Variants in OCA2 observed in about 807,000 individuals in gnomAD.
The protein encoded by OCA2 is OCA2 melanosomal transmembrane protein, also known as P protein.
A neutral mutation model predicts 100.2 loss-of-function variants in OCA2; 77 were observed. The ratio of observed to expected loss-of-function variants is 0.77; its 90% CI spans 0.64 to 0.93. The LOEUF (loss-of-function observed/expected upper bound fraction) is 0.93, where lower values mean the gene tolerates loss of function less well. OCA2 is among the 40% of genes least tolerant of loss of function. The pLI, the probability that OCA2 is intolerant of heterozygous loss-of-function variation, is 0.00. For missense variants in OCA2, 1,062 were observed against 1,089.1 expected (o/e 0.98, Z 0.35); for synonymous variants, 432 against 439.2 (o/e 0.98, Z 0.21).
intron 19 of OCA2, among the ~76,000 whole-genome samples, chr15:27,874,590 A>G (rs575868510): frequency 2.0e-5 from 3 of 152,274 alleles, no homozygotes; most frequent in East Asian, 1.9e-4. Flanking sequence ...ATTTAGCCAG[A>G]CCCCAAAACC....
At chr15:27,749,167 A>G in the OCA2 span, among the ~76,000 whole-genome samples, 2 of 152,352 alleles carry the variant, frequency 1.3e-5, no homozygotes, top group East Asian at 3.9e-4. Context: ...AAGCCACAAC[A>G]TAATCAAATC....
chr15:27,839,906 A>C (rs1161168488), intron 23 of OCA2, among the ~76,000 whole-genome samples: 1 of 152,206 alleles, frequency 6.6e-6, no homozygotes, highest in Non-Finnish European at 1.5e-5. Context: ...GTTCCATCAA[A>C]ATAGAAATTA....
chr15:28,053,198 G>A (rs891634787), intron 2 of OCA2, among the ~76,000 whole-genome samples: 4 of 152,176 alleles, frequency 2.6e-5, no homozygotes, highest in Admixed American at 6.5e-5. Context: ...CAGCGTCATC[G>A]TTACAGTCAT....
At chr15:27,915,822 C>T (rs1370305647) in intron 19 of OCA2, among the ~76,000 whole-genome samples, 1 of 151,966 alleles carries the variant, frequency 6.6e-6, no homozygotes, top group East Asian at 1.9e-4. Flanking sequence ...GAATACCATT[C>T]AGCCCACCAA....
At chr15:27,796,133 T>A (rs1436613910) in intron 23 of OCA2, among the ~76,000 whole-genome samples, 1 of 152,238 alleles carries the variant, frequency 6.6e-6, no homozygotes, top group Non-Finnish European at 1.5e-5. Flanking sequence ...TTCTGCTGAT[T>A]CACACATCTA....
intron 2 of OCA2, among the ~76,000 whole-genome samples, chr15:28,055,393 T>C (rs984252399): frequency 6.6e-6 from 1 of 152,346 alleles, no homozygotes; most frequent in African/African-American, 2.4e-5. Flanking sequence ...TGTAAAGCAA[T>C]TGCACTGAGA....
intron 2 of OCA2, among the ~76,000 whole-genome samples, chr15:28,048,994 C>T (rs1190514350): frequency 6.6e-6 from 1 of 152,056 alleles, no homozygotes; most frequent in Non-Finnish European, 1.5e-5. Flanking sequence ...AGAGCAACAC[C>T]CTGTCTCAAA....
intron 23 of OCA2, among the ~76,000 whole-genome samples, chr15:27,817,523 C>T (rs1429645986): frequency 1.3e-5 from 2 of 152,222 alleles, no homozygotes. Context: ...GGAGCTCACT[C>T]ACCAGGAAAT....
chr15:27,882,608 A>G (rs1006652745), intron 19 of OCA2, among the ~76,000 whole-genome samples: 18 of 152,168 alleles, frequency 1.2e-4, no homozygotes, highest in Admixed American at 7.2e-4. Context: ...TTCTTTGTAC[A>G]TCGAGTCCTT....
chr15:28,070,568 G>GC (rs2044223345), intron 2 of OCA2, among the ~76,000 whole-genome samples: 2 of 145,464 alleles, frequency 1.4e-5, no homozygotes, highest in South Asian at 2.3e-4. Flanking sequence ...CCGGCCAGCC[G>GC]CCCCGTCTGG....
intron 23 of OCA2, among the ~76,000 whole-genome samples, chr15:27,835,888 A>G (rs969517275): frequency 9.8e-5 from 15 of 152,302 alleles, no homozygotes; most frequent in Middle Eastern, 3.4e-3. Context: ...TGCTTCCTGA[A>G]AAGTATACAG....
At chr15:27,955,116 G>C in intron 17 of OCA2, 42 bp downstream of exon 17, 1 of 1,388,970 alleles carries the variant, frequency 7.2e-7, no homozygotes, top group Non-Finnish European at 1.0e-6. Context: ...TCTCTTCTTG[G>C]AGAAGTGAAT....
chr15:27,803,968 A>G (rs2033718755), intron 23 of OCA2, among the ~76,000 whole-genome samples: 1 of 152,246 alleles, frequency 6.6e-6, no homozygotes, highest in Non-Finnish European at 1.5e-5. Flanking sequence ...TCCACTGGGT[A>G]GAAGCGTGAT....
At chr15:27,972,820 G>GTTATTTTCTTTTATTTTATT (rs1202397391) in intron 14 of OCA2, among the ~76,000 whole-genome samples, 4 of 74,380 alleles carry the variant, frequency 5.4e-5, no homozygotes, top group Non-Finnish European at 1.8e-4. Flanking sequence ...TACTTTGATG[G>GTTATTTTCTTTTATTTTATT]TTATTTTATT....
chr15:28,014,672 TTTGA>T, intron 9 of OCA2, 100 bp downstream of exon 9: 1 of 1,259,778 alleles, frequency 7.9e-7, no homozygotes. Flanking sequence ...ACTAGTCCAG[TTTGA>T]TTAAGGAGTC....
At chr15:28,074,183 A>G (rs2044353121) in intron 2 of OCA2, among the ~76,000 whole-genome samples, 1 of 152,222 alleles carries the variant, frequency 6.6e-6, no homozygotes, top group Non-Finnish European at 1.5e-5. Context: ...AACTCTTCAT[A>G]AAGATTCAAG....
intron 9 of OCA2, among the ~76,000 whole-genome samples, chr15:28,004,384 AGT>A (rs1285648133): frequency 1.3e-5 from 2 of 152,176 alleles, no homozygotes; most frequent in East Asian, 3.9e-4. Flanking sequence ...CTCCAACCAG[AGT>A]GTGAGCAACA....
chr15:27,968,190 G>A (rs2040642925), intron 14 of OCA2, among the ~76,000 whole-genome samples: 1 of 152,236 alleles, frequency 6.6e-6, no homozygotes, highest in African/African-American at 2.4e-5. Flanking sequence ...CAGCACATCT[G>A]TGCAGGCACC....
At chr15:28,017,234 A>T (rs1380184255) in intron 7 of OCA2, among the ~76,000 whole-genome samples, 1 of 152,126 alleles carries the variant, frequency 6.6e-6, no homozygotes, top group African/African-American at 2.4e-5. Context: ...TGGGGGGAAA[A>T]ATCCTTTAGT....
Sources: gnomAD v4.1 joint callset for allele counts (sites outside exome capture counted in the v4.1 genomes callset) on GRCh38, gnomAD v4.1.1 for gene constraint, MANE v1.5 for transcripts, NCBI Gene and HGNC (gene_info 2026-07-23, HGNC 2026-07-21) for gene names.